The following SGMS1 variants were observed in gnomAD, a reference collection of about 807,000 sequenced individuals.
The protein encoded by SGMS1 is sphingomyelin synthase 1.
Under a neutral mutation model 46.2 loss-of-function variants are expected in SGMS1, and 13 were observed. The ratio of observed to expected loss-of-function variants is 0.28; its 90% confidence interval spans 0.18 to 0.45. The LOEUF (loss-of-function observed/expected upper bound fraction) is 0.45, where lower values mean the gene tolerates loss of function less well. Ranked by LOEUF, SGMS1 falls within the 20% of genes least tolerant of loss-of-function variation. The probability of loss-of-function intolerance (pLI) is 1.00; values close to 1 mark genes in which losing one functional copy is unlikely to be tolerated. For synonymous variants in SGMS1, 203 were observed against 187.8 expected, an observed-to-expected ratio of 1.08 and a Z score of -0.66; for missense variants, 324 against 519.9, an observed-to-expected ratio of 0.62 and a Z score of 3.66.
intron 1 of SGMS1, among the ~76,000 whole-genome samples, chr10:50,607,771 T>A (rs1168318088): frequency 6.6e-6 from 1 of 152,118 alleles, no homozygotes; most frequent in Non-Finnish European, 1.5e-5. Context: ...TGAAACCACA[T>A]CATCATTGCC....
chr10:50,612,137 T>C (rs1330060409), intron 1 of SGMS1, among the ~76,000 whole-genome samples: 1 of 152,208 alleles, frequency 6.6e-6, no homozygotes, highest in Non-Finnish European at 1.5e-5. Context: ...TCCCTCCATC[T>C]CCATCTGTGA....
At chr10:50,562,644 C>T (rs1469608965) in intron 2 of SGMS1, among the ~76,000 whole-genome samples, 1 of 152,144 alleles carries the variant, frequency 6.6e-6, no homozygotes, top group East Asian at 1.9e-4. Flanking sequence ...CCCGGGTTCA[C>T]ACCATTCTCC....
At chr10:50,426,138 G>A (rs1323614128) in intron 6 of SGMS1, among the ~76,000 whole-genome samples, 1 of 152,092 alleles carries the variant, frequency 6.6e-6, no homozygotes, top group East Asian at 1.9e-4. Context: ...ATGATTTAAT[G>A]AAAAACAAAA....
chr10:50,575,922 T>C (rs1330775698), intron 2 of SGMS1, among the ~76,000 whole-genome samples: 2 of 152,196 alleles, frequency 1.3e-5, no homozygotes, highest in Non-Finnish European at 2.9e-5. Flanking sequence ...CACATGTTTC[T>C]GATCTTCCCA....
chr10:50,591,337 C>T (rs1838539092), intron 1 of SGMS1, among the ~76,000 whole-genome samples: 1 of 152,124 alleles, frequency 6.6e-6, no homozygotes, highest in Non-Finnish European at 1.5e-5. Flanking sequence ...CAGATCACCT[C>T]CACCCTCCTG....
intron 3 of SGMS1, chr10:50,472,745 C>G (rs1207058163): frequency 6.6e-6 from 1 of 152,188 alleles, no homozygotes; most frequent in East Asian, 1.9e-4. Flanking sequence ...TCTGACAAAT[C>G]TCCATACTGG....
chr10:50,603,379 C>T (rs1363387901), intron 1 of SGMS1, among the ~76,000 whole-genome samples: 5 of 152,206 alleles, frequency 3.3e-5, no homozygotes, highest in Non-Finnish European at 7.3e-5. Flanking sequence ...TGCCGAGAGT[C>T]AAACACCTTG....
At chr10:50,593,104 C>T (rs1002213168) in intron 1 of SGMS1, among the ~76,000 whole-genome samples, 1 of 152,166 alleles carries the variant, frequency 6.6e-6, no homozygotes, top group African/African-American at 2.4e-5. Context: ...TATGAGGACA[C>T]GCTCAAGAAG....
chr10:50,317,729 T>A (rs190771500), intron 8 of SGMS1, among the ~76,000 whole-genome samples: 1 of 152,298 alleles, frequency 6.6e-6, no homozygotes, highest in African/African-American at 2.4e-5. Context: ...TATTCACTAT[T>A]CACTAACTAT....
Position 50,445,819 on chromosome 10 carries a change from G to A in SGMS1, c.-312-12263C>T, listed in dbSNP as rs1303112055. On this transcript the variant is annotated intron_variant, in intron 5 of 10. Transcript: ENST00000361781. ...TTAAAGGCTGGCTGCCTGTGGGCTGGGTGGAACAGAGCCATATTTCTCTTC... is the reference window on the plus strand; with the variant it reads ...TTAAAGGCTGGCTGCCTGTGGGCTGAGTGGAACAGAGCCATATTTCTCTTC... Among the ~76,000 whole-genome samples, 6 of 152,176 alleles carry A rather than the reference G, an allele frequency of 3.9e-5. 1 individual carries two copies. In the South Asian group the frequency reaches 1.2e-3, roughly 32 times the overall value.
intron 1 of SGMS1, chr10:50,590,520 G>T (rs915665830): frequency 6.6e-6 from 1 of 151,952 alleles, no homozygotes; most frequent in Non-Finnish European, 1.5e-5. Flanking sequence ...CTTTATTGAA[G>T]TATGATTGAC....
At chr10:50,422,553 G>A (rs577575949) in intron 6 of SGMS1, among the ~76,000 whole-genome samples, 2 of 152,230 alleles carry the variant, frequency 1.3e-5, no homozygotes, top group African/African-American at 4.8e-5. Flanking sequence ...AATCCACTGT[G>A]GAGAACAGAA....
intron 3 of SGMS1, among the ~76,000 whole-genome samples, chr10:50,510,099 C>A (rs1002869781): frequency 3.3e-5 from 5 of 152,166 alleles, no homozygotes; most frequent in African/African-American, 1.2e-4. Context: ...GATCTATTTT[C>A]TAACCCTATA....
intron 5 of SGMS1, among the ~76,000 whole-genome samples, chr10:50,445,222 T>C (rs1008254918): frequency 6.6e-6 from 1 of 152,202 alleles, no homozygotes; most frequent in African/African-American, 2.4e-5. Flanking sequence ...TGGCAAAGAC[T>C]TGGAGTACAT....
At position 50,306,103 on chromosome 10, in the gene SGMS1, T is replaced by C. The variant is rs960155848; in HGVS notation, c.*1039A>G. ...AACTCTCTTTAAGAAAAGATATTCATGGCTGTTTTCATTGAGTAGTTAAAA... is the reference window on the plus strand; with the variant it reads ...AACTCTCTTTAAGAAAAGATATTCACGGCTGTTTTCATTGAGTAGTTAAAA... On this transcript the variant is annotated 3_prime_UTR_variant, in exon 11 of 11. Coordinates refer to ENST00000361781, the MANE Select transcript of SGMS1 (RefSeq NM_147156.4). 2 of 152,740 alleles carry C rather than the reference T, an allele frequency of 1.3e-5. No homozygotes were observed. Among genetic ancestry groups the C allele is most frequent in the Admixed American group, 6.5e-5 (1 of 15,284 alleles). The allele number at this position is 152,740 out of a possible 1,614,324, so 9.5% of individuals were successfully genotyped here.
intron 5 of SGMS1, among the ~76,000 whole-genome samples, chr10:50,444,544 A>G (rs186266426): frequency 1.3e-5 from 2 of 152,296 alleles, no homozygotes; most frequent in African/African-American, 4.8e-5. Flanking sequence ...AAACAAATAA[A>G]TATTCATAGG....
intron 2 of SGMS1, among the ~76,000 whole-genome samples, chr10:50,531,543 A>C (rs1265186809): frequency 6.6e-6 from 1 of 152,160 alleles, no homozygotes; most frequent in Non-Finnish European, 1.5e-5. Context: ...GGTAAGAGCT[A>C]GTCACTGCAC....
chr10:50,596,126 T>G (rs968758232), intron 1 of SGMS1, among the ~76,000 whole-genome samples: 1 of 151,978 alleles, frequency 6.6e-6, no homozygotes, highest in East Asian at 1.9e-4. Flanking sequence ...CCTCACATAA[T>G]TCAAGATGGA....
At chr10:50,355,150 T>G (rs1388944285) in intron 6 of SGMS1, among the ~76,000 whole-genome samples, 1 of 152,250 alleles carries the variant, frequency 6.6e-6, no homozygotes, top group Non-Finnish European at 1.5e-5. Context: ...ACATGTATGT[T>G]TACTGTGGCA....
Sources: gnomAD v4.1 joint callset for allele counts (sites outside exome capture counted in the v4.1 genomes callset) on GRCh38, gnomAD v4.1.1 for gene constraint, MANE v1.5 for transcripts, NCBI Gene and HGNC (gene_info 2026-07-23, HGNC 2026-07-21) for gene names.